Variants in PRKAA1 observed in about 807,000 individuals in gnomAD.
The protein encoded by PRKAA1 is 5'-AMP-activated protein kinase catalytic subunit alpha-1.
Under a neutral mutation model 56.9 loss-of-function variants are expected in PRKAA1, and 23 were observed. The ratio of observed to expected loss-of-function variants is 0.40; its 90% CI spans 0.29 to 0.57. The LOEUF (loss-of-function observed/expected upper bound fraction) is 0.57, where lower values mean the gene tolerates loss of function less well. Ranked by LOEUF, PRKAA1 falls within the 20% of genes least tolerant of loss-of-function variation. The probability of loss-of-function intolerance (pLI) is 0.39; values close to 1 mark genes in which losing one functional copy is unlikely to be tolerated. For missense variants in PRKAA1, 413 were observed against 679.7 expected, an observed-to-expected ratio of 0.61 and a Z score of 4.36; for synonymous variants, 226 against 227.0, an observed-to-expected ratio of 1.00 and a Z score of 0.04.
chr5:40,770,761 T>C (rs890474876), intron 4 of PRKAA1, among the ~76,000 whole-genome samples: 3 of 151,798 alleles, frequency 2.0e-5, no homozygotes, highest in African/African-American at 7.3e-5. Context: ...CCAGCTAATT[T>C]TGTATTTTTA....
intron 1 of PRKAA1, among the ~76,000 whole-genome samples, chr5:40,791,797 TA>T (rs1744728347): frequency 6.6e-6 from 1 of 152,138 alleles, no homozygotes; most frequent in Non-Finnish European, 1.5e-5. Context: ...GCTTAAGCAA[TA>T]AAACATTACA....
At chr5:40,777,882 G>A (rs370105623) in intron 1 of PRKAA1, among the ~76,000 whole-genome samples, 3 of 152,132 alleles carry the variant, frequency 2.0e-5, no homozygotes, top group East Asian at 1.9e-4. Context: ...AGACCAGCCC[G>A]GCTAACATGG....
chr5:40,771,917 C>T, intron 3 of PRKAA1, 54 bp from the exon 4 acceptor site: 1 of 1,569,142 alleles, frequency 6.4e-7, no homozygotes, highest in South Asian at 1.2e-5. Flanking sequence ...GTAAATTGTC[C>T]TATCTATAAT....
chr5:40,766,754 T>C (rs1743453947), intron 6 of PRKAA1, among the ~76,000 whole-genome samples: 1 of 151,960 alleles, frequency 6.6e-6, no homozygotes, highest in African/African-American at 2.4e-5. Flanking sequence ...ATCCCAACAC[T>C]GGGAGGGAAA....
At chr5:40,769,023 A>G in intron 5 of PRKAA1, 1 of 945,418 alleles carries the variant, frequency 1.1e-6, no homozygotes, top group Non-Finnish European at 1.6e-6. Flanking sequence ...TTATCATGAA[A>G]CATAAAGGTA....
chr5:40,790,541 G>C (rs7735424), intron 1 of PRKAA1, among the ~76,000 whole-genome samples: 2 of 69,264 alleles, frequency 2.9e-5, no homozygotes. Context: ...TTTTTTTTTT[G>C]TTGTTGTTGT....
At position 40,771,972 on chromosome 5, in the gene PRKAA1, T is replaced by C; in HGVS notation, c.364-109A>G. On this transcript the variant is annotated intron_variant, in intron 3 of 8. Coordinates refer to ENST00000397128, the MANE Select transcript of PRKAA1 (RefSeq NM_006251.6). ...TCAAAATACATGAAAATCTTCCCAA[T>C]GAACTTCACTTATGAGATACTTTTG... 3.9e-6 allele frequency: 5 copies of C among 1,273,630 alleles called. No individual in the cohort carries two copies. The South Asian group carries it at 5.4e-5, about 14-fold the overall frequency. The allele number at this position is 1,273,630 out of a possible 1,614,324, so 78.9% of individuals were successfully genotyped here. A position where few individuals can be genotyped will look rare whatever the true frequency, so the allele number is the denominator to read the frequency against.
At chr5:40,763,356 T>C (rs540507715) in intron 8 of PRKAA1, among the ~76,000 whole-genome samples, 1 of 152,308 alleles carries the variant, frequency 6.6e-6, no homozygotes, top group East Asian at 1.9e-4. Flanking sequence ...ATTAAAATCA[T>C]AGAATCGATG....
At chr5:40,791,215 T>C (rs990239595) in intron 1 of PRKAA1, among the ~76,000 whole-genome samples, 1 of 152,252 alleles carries the variant, frequency 6.6e-6, no homozygotes, top group Non-Finnish European at 1.5e-5. Context: ...GTAAATGGAC[T>C]CTGTCAGGCA....
chr5:40,783,923 T>A (rs1245372744), intron 1 of PRKAA1, among the ~76,000 whole-genome samples: 1 of 152,174 alleles, frequency 6.6e-6, no homozygotes, highest in East Asian at 1.9e-4. Flanking sequence ...AGACCTCGGT[T>A]TTATTCCTGT....
At chr5:40,771,950 A>G in intron 3 of PRKAA1, 87 bp from the exon 4 acceptor site, 1 of 1,456,930 alleles carries the variant, frequency 6.9e-7, no homozygotes, top group Non-Finnish European at 9.3e-7. Context: ...AAAATTGTCA[A>G]AATACATGAA....
At chr5:40,777,307 A>G (rs1255507681) in intron 2 of PRKAA1, 138 bp downstream of exon 2, 3 of 971,156 alleles carry the variant, frequency 3.1e-6, no homozygotes, top group Non-Finnish European at 4.5e-6. Flanking sequence ...GCCACCGCAC[A>G]CAGCCTAGGA....
rs560318941 is a variant in PRKAA1, at chr5:40,764,309, A to T, written c.1435+205T>A. On this transcript the variant is annotated intron_variant, in intron 8 of 8. Transcript: ENST00000397128. Reference sequence around the variant, plus strand: ...GGCTTTAAGGATTTTACAAGATGATAATCTTAAAAGGACAATATGCTATAA... The same window carrying T: ...GGCTTTAAGGATTTTACAAGATGATTATCTTAAAAGGACAATATGCTATAA... 2.5e-4 allele frequency: 115 copies of T among 464,446 alleles called. 3 individuals carry two copies. In the South Asian group the frequency reaches 4.8e-3, roughly 19 times the overall value. 28.8% of individuals were successfully genotyped at this position (464,446 alleles called of 1,614,324 possible).
Position 40,775,341 on chromosome 5 carries a change from C to A in PRKAA1, c.363+69G>T, listed in dbSNP as rs1445225239. The A allele has an allele frequency of 1.6e-5, 20 of 1,262,546 alleles. No individual in the cohort carries two copies. In the South Asian group the frequency reaches 1.7e-4, roughly 11 times the overall value. 78.2% of individuals were successfully genotyped at this position (1,262,546 alleles called of 1,614,324 possible). A position where few individuals can be genotyped will look rare whatever the true frequency, so the allele number is the denominator to read the frequency against. ...TAGACCTCTTAAAATTGGTTGCTGA[C>A]ATTTTGATGCTAGTAAAGGATAAAG... On this transcript the variant is annotated intron_variant, in intron 3 of 8. Coordinates refer to ENST00000397128, the MANE Select transcript of PRKAA1 (RefSeq NM_006251.6).
chr5:40,764,863 G>A lies in PRKAA1; in HGVS notation c.1197C>T (p.His399=). 1 of 1,614,020 alleles carries A rather than the reference G, an allele frequency of 6.2e-7. No individual in the cohort carries two copies. The highest frequency in any genetic ancestry group is 2.2e-5 in the East Asian group (1 of 44,888). The change falls in exon 7 of 9, where the codon CAC becomes CAT. Residue 399 remains histidine, a synonymous_variant. Coordinates refer to ENST00000397128, the MANE Select transcript of PRKAA1 (RefSeq NM_006251.6). ...GCCATTTTGCTTTCCTTACACCTTG[G>A]TGTTTGGATTTCTGTGGATTTAATT... is the stretch of plus-strand genomic sequence containing the variant. ...LDELNPQKSK[H]QGVRKAKWHL...
Position 40,762,955 on chromosome 5 carries a change from T to A in PRKAA1, c.1503A>T (p.Arg501=). Residue 501 remains arginine (R), a synonymous_variant, in exon 9 of 9, where the codon CGA becomes CGT. Coordinates refer to ENST00000397128, the MANE Select transcript of PRKAA1 (RefSeq NM_006251.6). ...CATCTGAATCACTCCTTTGGCAAGA[T>A]CGATAGTTGCTAACTGATCCCGATC... ...PQRSGSVSNY[R]SCQRSDSDAE... 6.2e-7 allele frequency: 1 copy of A among 1,614,196 alleles called. No homozygotes were observed. The highest frequency in any genetic ancestry group is 8.5e-7 in the Non-Finnish European group (1 of 1,180,036).
At chr5:40,780,503 G>T (rs1744224410) in intron 1 of PRKAA1, among the ~76,000 whole-genome samples, 1 of 152,076 alleles carries the variant, frequency 6.6e-6, no homozygotes. Flanking sequence ...TTTATTAGGG[G>T]AATTGGCTCA....
chr5:40,797,844 T>A (rs1579771492), intron 1 of PRKAA1, among the ~76,000 whole-genome samples: 1 of 152,068 alleles, frequency 6.6e-6, no homozygotes, highest in East Asian at 1.9e-4. Context: ...GCCGTCGCCA[T>A]GGCGACTGGC....
rs761427602 is a variant in PRKAA1, at chr5:40,761,431, CACAA to C, written c.*1343_*1346del. The C allele has an allele frequency of 1.1e-4, 17 of 152,162 alleles. No individual in the cohort carries two copies. The highest frequency in any genetic ancestry group is 4.1e-4 in the South Asian group (2 of 4,824). 9.4% of individuals were successfully genotyped at this position (152,162 alleles called of 1,614,324 possible). A position where few individuals can be genotyped will look rare whatever the true frequency, so the allele number is the denominator to read the frequency against. On this transcript the variant is annotated 3_prime_UTR_variant, in exon 9 of 9. Coordinates refer to ENST00000397128, the MANE Select transcript of PRKAA1 (RefSeq NM_006251.6). ...AGGGGGAAAAAAGCATATATACATACACAAACAAACACATATATGCATATATATG... is the reference window on the plus strand; with the variant it reads ...AGGGGGAAAAAAGCATATATACATACACAAACACATATATGCATATATATG...
Sources: allele counts gnomAD v4.1 joint callset (sites outside exome capture counted in the v4.1 genomes callset), GRCh38; gene constraint gnomAD v4.1.1; transcripts MANE v1.5; gene names NCBI Gene and HGNC (gene_info 2026-07-23, HGNC 2026-07-21).